The following IGF2R variants were observed in gnomAD, a reference collection of about 807,000 sequenced individuals.
IGF2R encodes the protein insulin like growth factor 2 receptor.
In IGF2R, 91 loss-of-function variants were observed where a neutral mutation model predicts 270.6. The ratio of observed to expected loss-of-function variants is 0.34; its 90% confidence interval spans 0.28 to 0.40. The LOEUF (loss-of-function observed/expected upper bound fraction) is 0.40. Among genes scored for constraint, IGF2R ranks in the 10% least tolerant of loss-of-function variants. IGF2R has a pLI of 1.00. For missense variants in IGF2R, 2,805 were observed against 3,188.3 expected (o/e 0.88, Z 2.90); for synonymous variants, 1,316 against 1,258.9 (o/e 1.05, Z -0.96).
intron 4 of IGF2R, among the ~76,000 whole-genome samples, chr6:160,013,715 A>G (rs534230322): frequency 3.6e-4 from 55 of 152,358 alleles, no homozygotes; most frequent in African/African-American, 9.4e-4. Context: ...TGTGAAGGAC[A>G]TATCCATATT....
chr6:160,062,742 G>A (rs1421306558), intron 26 of IGF2R, 123 bp downstream of exon 26: 1 of 621,356 alleles, frequency 1.6e-6, no homozygotes, highest in Non-Finnish European at 2.8e-6. Context: ...ACACACGCTA[G>A]GGGGAGGATA....
chr6:160,017,572 T>G (rs1777334485), intron 4 of IGF2R, among the ~76,000 whole-genome samples: 1 of 152,174 alleles, frequency 6.6e-6, no homozygotes, highest in Non-Finnish European at 1.5e-5. Context: ...TGAGACTGTA[T>G]GAGGTCAACA....
intron 10 of IGF2R, among the ~76,000 whole-genome samples, chr6:160,038,669 G>C (rs1189612579): frequency 1.3e-5 from 2 of 152,174 alleles, no homozygotes; most frequent in African/African-American, 4.8e-5. Flanking sequence ...GTTGCTGTTA[G>C]TTGACCGGCA....
intron 19 of IGF2R, among the ~76,000 whole-genome samples, chr6:160,051,267 C>G (rs1242197314): frequency 3.3e-5 from 5 of 152,174 alleles, no homozygotes; most frequent in Non-Finnish European, 2.9e-5. Flanking sequence ...CAGAAATTAA[C>G]TTGCAAATGA....
At chr6:160,071,515 G>C (rs1172928787) in intron 31 of IGF2R, among the ~76,000 whole-genome samples, 2 of 152,174 alleles carry the variant, frequency 1.3e-5, no homozygotes, top group East Asian at 3.8e-4. Flanking sequence ...ATATCTTTTT[G>C]TTTTGACTGT....
chr6:160,026,053 G>T lies in IGF2R; in HGVS notation c.647-1132G>T, dbSNP rs566796390. Among the ~76,000 whole-genome samples, 9 of 152,242 alleles carry T rather than the reference G, an allele frequency of 5.9e-5. No homozygotes were observed. In the South Asian group the frequency reaches 1.9e-3, roughly 32 times the overall value. On this transcript the variant is annotated intron_variant, in intron 5 of 47. Coordinates refer to ENST00000356956, the MANE Select transcript of IGF2R (RefSeq NM_000876.4). Reference sequence around the variant, plus strand: ...TTGCCCTAAGTCTCAAACCAAGATTGAATGTGACCCTCAAAACCTCTTGGA... The same window carrying T: ...TTGCCCTAAGTCTCAAACCAAGATTTAATGTGACCCTCAAAACCTCTTGGA...
chr6:160,057,886 A>G (rs936532316), intron 20 of IGF2R, 137 bp from the exon 21 acceptor site: 9 of 608,940 alleles, frequency 1.5e-5, no homozygotes, highest in Admixed American at 5.6e-5. Context: ...TACATTTTTG[A>G]TAGGGATTTT....
chr6:160,003,119 A>G (rs186780532), intron 2 of IGF2R, among the ~76,000 whole-genome samples: 76 of 152,306 alleles, frequency 5.0e-4, no homozygotes, highest in Admixed American at 9.8e-4. Context: ...CATTTACTTT[A>G]AAGAGCCTGG....
intron 5 of IGF2R, among the ~76,000 whole-genome samples, chr6:160,024,957 G>T (rs1488030348): frequency 2.0e-5 from 3 of 151,958 alleles, no homozygotes; most frequent in Non-Finnish European, 2.9e-5. Flanking sequence ...TGTTCTCTCG[G>T]CCAGACACCT....
rs1351792447 is a variant in IGF2R, at chr6:160,068,318, T to C, written c.4185T>C (p.Thr1395=). Residue 1395 remains threonine, a synonymous_variant, in exon 30 of 48, where the codon ACT becomes ACC. Transcript: ENST00000356956. ...SRYSDNWEAI[T]GTGDPEHYLI... ...ACAGTGACAACTGGGAAGCCATCAC[T>C]GGGACGGGGGACCCGGAGCACTACC... 2 of 1,614,160 alleles carry C rather than the reference T, an allele frequency of 1.2e-6. No individual in the cohort carries two copies. The highest frequency in any genetic ancestry group is 1.7e-5 in the Admixed American group (1 of 60,012).
At chr6:159,973,906 A>T (rs1783649872) in intron 1 of IGF2R, among the ~76,000 whole-genome samples, 1 of 152,228 alleles carries the variant, frequency 6.6e-6, no homozygotes, top group African/African-American at 2.4e-5. Flanking sequence ...AACTGAGCCT[A>T]GTGGCAGAGA....
chr6:160,054,921 C>T (rs1357759957), intron 19 of IGF2R, among the ~76,000 whole-genome samples: 3 of 152,170 alleles, frequency 2.0e-5, no homozygotes, highest in Non-Finnish European at 4.4e-5. Context: ...CGTTCTTTCC[C>T]TGCAGTGGCC....
chr6:160,068,325 G>A lies in IGF2R; in HGVS notation c.4192G>A (p.Gly1398Arg). The A allele has an allele frequency of 6.2e-7, 1 of 1,614,258 alleles. No homozygotes were observed. The highest frequency in any genetic ancestry group is 2.2e-5 in the East Asian group (1 of 44,886). Residue 1398 changes from glycine (G) to arginine (R), a missense_variant, in exon 30 of 48, where the codon GGG (glycine) becomes AGG (arginine). Gly to Arg is a moderately radical substitution (Grantham distance 125, BLOSUM62 -2). Coordinates refer to ENST00000356956, the MANE Select transcript of IGF2R (RefSeq NM_000876.4). The part of the protein sequence containing the change: ...SDNWEAITGT[G>R]DPEHYLINVC... ...CAACTGGGAAGCCATCACTGGGACG[G>A]GGGACCCGGAGCACTACCTCATCAA...
At chr6:160,100,667 A>G (rs558187965) in intron 45 of IGF2R, among the ~76,000 whole-genome samples, 63 of 139,948 alleles carry the variant, frequency 4.5e-4, no homozygotes, top group Non-Finnish European at 6.5e-4. Flanking sequence ...GCTTACATCA[A>G]ACACTTAGAA....
chr6:160,090,460 T>C (rs1037941944), intron 44 of IGF2R: 2 of 159,094 alleles, frequency 1.3e-5, no homozygotes, highest in Non-Finnish European at 2.7e-5. Flanking sequence ...CCAAATAATA[T>C]TAGAGAAGGG....
chr6:159,972,201 A>G (rs1462935529), intron 1 of IGF2R, among the ~76,000 whole-genome samples: 1 of 152,128 alleles, frequency 6.6e-6, no homozygotes, highest in Non-Finnish European at 1.5e-5. Flanking sequence ...CCTGGGCATC[A>G]GTTTGCTGAA....
chr6:160,003,467 T>C (rs1784161623), intron 2 of IGF2R: 1 of 152,238 alleles, frequency 6.6e-6, no homozygotes. Context: ...TATGTAGATA[T>C]TTGTACAAAA....
At chr6:160,032,041 G>A (rs2115232367) in intron 7 of IGF2R, among the ~76,000 whole-genome samples, 1 of 152,308 alleles carries the variant, frequency 6.6e-6, no homozygotes, top group South Asian at 2.1e-4. Context: ...CAGATATGGT[G>A]GTGCCCAGGA....
intron 4 of IGF2R, among the ~76,000 whole-genome samples, chr6:160,017,698 C>G (rs437127): frequency 0.53 from 80,674 of 151,890 alleles, 21,841 homozygotes; most frequent in East Asian, 0.82. Context: ...TTGGGTTTCT[C>G]TTTTCAAGGT....
Sources: gnomAD v4.1 joint callset for allele counts (sites outside exome capture counted in the v4.1 genomes callset) on GRCh38, gnomAD v4.1.1 for gene constraint, MANE v1.5 for transcripts, NCBI Gene and HGNC (gene_info 2026-07-23, HGNC 2026-07-21) for gene names.